The following CAST variants were observed in gnomAD, a reference collection of about 807,000 sequenced individuals.
The protein encoded by CAST is MIR583 host.
In CAST, 76 loss-of-function variants were observed where a neutral mutation model predicts 119.6. The ratio of observed to expected loss-of-function variants is 0.64; its 90% CI spans 0.53 to 0.77. The LOEUF (loss-of-function observed/expected upper bound fraction) is 0.77. Among genes scored for constraint, CAST ranks in the 30% least tolerant of loss-of-function variants. CAST has a pLI of 0.00. For synonymous variants in CAST, 319 were observed against 331.6 expected (o/e 0.96, Z 0.41); for missense variants, 953 against 946.5 (o/e 1.01, Z -0.09).
the CAST span, among the ~76,000 whole-genome samples, chr5:96,184,023 A>G: frequency 0.032 from 4,889 of 152,304 alleles, 258 homozygotes; most frequent in African/African-American, 0.11. Flanking sequence ...GCATATGTAT[A>G]GGTAAGTGAG....
intron 1 of CAST, among the ~76,000 whole-genome samples, chr5:96,581,732 A>C (rs992890379): frequency 4.6e-5 from 7 of 152,220 alleles, no homozygotes; most frequent in Admixed American, 3.9e-4. Context: ...TCCACTAAAA[A>C]TACAAAAAAT....
the CAST span, among the ~76,000 whole-genome samples, chr5:96,034,219 C>T: frequency 6.6e-6 from 1 of 152,040 alleles, no homozygotes. Context: ...TATCATTTAT[C>T]ATCAGGGAAA....
At chr5:96,083,445 A>G in the CAST span, among the ~76,000 whole-genome samples, 1 of 152,206 alleles carries the variant, frequency 6.6e-6, no homozygotes, top group East Asian at 1.9e-4. Context: ...GAAGTTAGCA[A>G]GTCAGCCATG....
the CAST span, among the ~76,000 whole-genome samples, chr5:96,449,564 C>T: frequency 6.6e-6 from 1 of 152,156 alleles, no homozygotes; most frequent in Admixed American, 6.5e-5. Flanking sequence ...TATGTAAAGC[C>T]TATTCACTCC....
Position 96,641,803 on chromosome 5 carries a change from C to A in CAST, c.61-33736C>A, listed in dbSNP as rs545661267. On this transcript the variant is annotated intron_variant, in intron 1 of 11. Coordinates refer to the CAST transcript ENST00000505143. ...TTTTTGGATCTTCTAAGTTCAAGTC[C>A]ACTTTCCTGCATGCTCACAAAGCTC... Among the ~76,000 whole-genome samples the A allele has an allele frequency of 3.9e-5, 6 of 152,284 alleles. No homozygotes were observed. The South Asian group carries it at 1.0e-3, about 26-fold the overall frequency.
chr5:96,124,361 G>C, the CAST span, among the ~76,000 whole-genome samples: 1 of 152,026 alleles, frequency 6.6e-6, no homozygotes, highest in African/African-American at 2.4e-5. Context: ...CCAACTCTAA[G>C]ACAGAGTTTA....
At chr5:96,112,234 G>C in the CAST span, among the ~76,000 whole-genome samples, 63 of 151,920 alleles carry the variant, frequency 4.1e-4, no homozygotes, top group African/African-American at 1.5e-3. Context: ...AAAGCCAGTG[G>C]GAATATATTA....
chr5:96,228,882 G>T, the CAST span, among the ~76,000 whole-genome samples: 1 of 151,964 alleles, frequency 6.6e-6, no homozygotes, highest in Non-Finnish European at 1.5e-5. Context: ...AAAATATATA[G>T]GTAATAATAT....
chr5:96,264,178 A>G, the CAST span, among the ~76,000 whole-genome samples: 1 of 152,200 alleles, frequency 6.6e-6, no homozygotes, highest in Non-Finnish European at 1.5e-5. Flanking sequence ...CTGAGCCTTT[A>G]TGTGGTCTGT....
At chr5:96,211,507 T>G in the CAST span, among the ~76,000 whole-genome samples, 1 of 152,104 alleles carries the variant, frequency 6.6e-6, no homozygotes, top group South Asian at 2.1e-4. Context: ...TGGAATATAC[T>G]TAATTTCTCT....
chr5:96,265,624 G>A, the CAST span, among the ~76,000 whole-genome samples: 1 of 152,136 alleles, frequency 6.6e-6, no homozygotes, highest in Non-Finnish European at 1.5e-5. Context: ...TCTTTACTCA[G>A]TCTCTGATTC....
chr5:96,753,852 G>T (rs1421105433), intron 20 of CAST, among the ~76,000 whole-genome samples: 1 of 152,112 alleles, frequency 6.6e-6, no homozygotes. Flanking sequence ...CATATAATTT[G>T]CACACAATGT....
At chr5:96,274,156 C>T in the CAST span, among the ~76,000 whole-genome samples, 623 of 151,008 alleles carry the variant, frequency 4.1e-3, 1 homozygote, top group Middle Eastern at 0.014. Flanking sequence ...GGTTGGAGTG[C>T]AGTGGCGTGA....
chr5:96,459,158 GC>G, the CAST span, among the ~76,000 whole-genome samples: 1 of 152,118 alleles, frequency 6.6e-6, no homozygotes, highest in African/African-American at 2.4e-5. Context: ...CATGGAAAAT[GC>G]TAAGAGTGAG....
chr5:96,251,799 C>A, the CAST span, among the ~76,000 whole-genome samples: 1 of 152,038 alleles, frequency 6.6e-6, no homozygotes, highest in Non-Finnish European at 1.5e-5. Context: ...CCCAAAAATC[C>A]TAGAGAAGAA....
the CAST span, among the ~76,000 whole-genome samples, chr5:96,039,707 C>A: frequency 3.9e-5 from 6 of 152,018 alleles, no homozygotes; most frequent in Admixed American, 1.3e-4. Flanking sequence ...ATTTCTGAGG[C>A]CTCTATTCTG....
At chr5:96,684,621 G>T (rs1751838828) in intron 2 of CAST, among the ~76,000 whole-genome samples, 1 of 150,670 alleles carries the variant, frequency 6.6e-6, no homozygotes, top group African/African-American at 2.4e-5. Flanking sequence ...GGAGTGCAGT[G>T]GTGCAATCTT....
chr5:96,407,743 C>T, the CAST span, among the ~76,000 whole-genome samples: 1 of 152,132 alleles, frequency 6.6e-6, no homozygotes, highest in Non-Finnish European at 1.5e-5. Flanking sequence ...TCTCATGTCC[C>T]CTGATGTGGT....
At chr5:96,496,820 T>C in the CAST span, among the ~76,000 whole-genome samples, 4 of 152,176 alleles carry the variant, frequency 2.6e-5, no homozygotes, top group Admixed American at 2.0e-4. Flanking sequence ...AGATTAGACC[T>C]AGAAACACTG....
Sources: allele counts gnomAD v4.1 joint callset (sites outside exome capture counted in the v4.1 genomes callset), GRCh38; gene constraint gnomAD v4.1.1; transcripts MANE v1.5; gene names NCBI Gene and HGNC (gene_info 2026-07-23, HGNC 2026-07-21).